Variants in IRAK1BP1 observed in about 807,000 individuals in gnomAD.
The protein encoded by IRAK1BP1 is interleukin-1 receptor-associated kinase 1-binding protein 1.
IRAK1BP1 carries 24 observed loss-of-function variants against 28.0 expected under a neutral mutation model. That is an observed-to-expected ratio of 0.86 (90% confidence interval 0.62 to 1.20). The LOEUF is 1.20. Among genes scored for constraint, IRAK1BP1 ranks in the 50% most tolerant of loss-of-function variants. The pLI is 0.00. For synonymous variants in IRAK1BP1, 131 were observed against 116.3 expected, an observed-to-expected ratio of 1.13 and a Z score of -0.81; for missense variants, 336 against 316.7, an observed-to-expected ratio of 1.06 and a Z score of -0.46.
intron 4 of IRAK1BP1, among the ~76,000 whole-genome samples, chr6:78,908,805 T>C (rs1256549725): frequency 6.6e-6 from 1 of 152,230 alleles, no homozygotes; most frequent in Non-Finnish European, 1.5e-5. Flanking sequence ...AGTAGTCTAA[T>C]AGGTAGAAGA....
At chr6:78,876,392 T>A (rs1395552673) in intron 1 of IRAK1BP1, among the ~76,000 whole-genome samples, 1 of 152,210 alleles carries the variant, frequency 6.6e-6, no homozygotes. Flanking sequence ...AATGGACTAA[T>A]ACACCCATAT....
In IRAK1BP1 at chr6:78,897,954, T is replaced by A; in HGVS notation, c.507T>A (p.Asn169Lys). Residue 169 changes from asparagine (N) to lysine (K), a missense_variant, in exon 3 of 4, where the codon AAT becomes AAA. Asn to Lys is a moderately conservative substitution (Grantham distance 94). Transcript: ENST00000369940. ...ATCATACTCCAGGTTCTGTTGAGAA[T>A]CTTCGGTAAGTTTAAGCACATCTTT... ...QFYHTPGSVENLRRQACLVAV... is the reference protein window; with the variant it reads ...QFYHTPGSVEKLRRQACLVAV... 6.2e-7 allele frequency: 1 copy of A among 1,613,952 alleles called. No individual in the cohort carries two copies. The highest frequency in any genetic ancestry group is 1.3e-5 in the African/African-American group (1 of 75,060).
At chr6:78,967,132 G>C in the IRAK1BP1 span, among the ~76,000 whole-genome samples, 1 of 152,070 alleles carries the variant, frequency 6.6e-6, no homozygotes, top group Admixed American at 6.6e-5. Flanking sequence ...GGATTTAAAA[G>C]TTTATAAAAA....
the IRAK1BP1 span, among the ~76,000 whole-genome samples, chr6:78,952,770 C>T: frequency 6.6e-6 from 1 of 152,064 alleles, no homozygotes; most frequent in Non-Finnish European, 1.5e-5. Context: ...CTTTTCCTCT[C>T]AAATAACATA....
At chr6:78,977,760 T>C in the IRAK1BP1 span, among the ~76,000 whole-genome samples, 214 of 152,298 alleles carry the variant, frequency 1.4e-3, no homozygotes, top group African/African-American at 4.9e-3. Flanking sequence ...AACAATGTGG[T>C]AATGTTCTGT....
intron 1 of IRAK1BP1, among the ~76,000 whole-genome samples, chr6:78,873,265 A>AG (rs1221537266): frequency 6.7e-6 from 1 of 150,328 alleles, no homozygotes; most frequent in Non-Finnish European, 1.5e-5. Flanking sequence ...AAAAAAAAAA[A>AG]AAAAAAAAAA....
At position 78,913,668 on chromosome 6, in the gene IRAK1BP1, G is replaced by A. The variant is rs571584457; in HGVS notation, c.*67+10558G>A. 2.4e-4 allele frequency among the ~76,000 whole-genome samples: 37 copies of A among 152,224 alleles called. 1 individual carries two copies. The South Asian group carries it at 7.7e-3, about 32-fold the overall frequency. On this transcript the variant is annotated intron_variant and NMD_transcript_variant, in intron 4 of 4. Transcript: ENST00000606868. ...TCAAAAAAAAAGTCATTGCTGAGAAGATGACTGCATCTTTAAAATACAGTT... is the reference window on the plus strand; with the variant it reads ...TCAAAAAAAAAGTCATTGCTGAGAAAATGACTGCATCTTTAAAATACAGTT...
the IRAK1BP1 span, chr6:78,955,851 C>A: frequency 2.5e-6 from 1 of 393,054 alleles, no homozygotes; most frequent in Non-Finnish European, 4.6e-6. Flanking sequence ...ACCCTGACCC[C>A]TCCACTCTAT....
chr6:78,973,411 C>A, the IRAK1BP1 span, among the ~76,000 whole-genome samples: 2 of 149,042 alleles, frequency 1.3e-5, no homozygotes, highest in South Asian at 4.4e-4. Context: ...CGGTACCAGC[C>A]GCTGCAAAAT....
At chr6:78,896,331 G>GAAAAAAAAAAAAAAA (rs35774009) in intron 2 of IRAK1BP1, among the ~76,000 whole-genome samples, 1 of 93,040 alleles carries the variant, frequency 1.1e-5, no homozygotes, top group Non-Finnish European at 2.4e-5. Flanking sequence ...AACCTAAATG[G>GAAAAAAAAAAAAAAA]AAAAAAAAAA....
chr6:78,881,505 C>G (rs1220551107), intron 1 of IRAK1BP1, among the ~76,000 whole-genome samples: 2 of 152,042 alleles, frequency 1.3e-5, no homozygotes, highest in South Asian at 2.1e-4. Flanking sequence ...AATAGTGAAG[C>G]TTGATGTATG....
the IRAK1BP1 span, among the ~76,000 whole-genome samples, chr6:78,964,599 T>C: frequency 3.3e-5 from 5 of 152,236 alleles, no homozygotes; most frequent in Admixed American, 2.6e-4. Flanking sequence ...TTCAAGTAAT[T>C]TTCCTGCCTC....
At chr6:78,972,732 C>T in the IRAK1BP1 span, among the ~76,000 whole-genome samples, 23 of 152,014 alleles carry the variant, frequency 1.5e-4, no homozygotes, top group Non-Finnish European at 2.5e-4. Flanking sequence ...GTGAAGAATG[C>T]AGAAGCCTCA....
chr6:78,891,891 T>C (rs1485699082), intron 2 of IRAK1BP1, among the ~76,000 whole-genome samples: 1 of 152,248 alleles, frequency 6.6e-6, no homozygotes, highest in East Asian at 1.9e-4. Flanking sequence ...GCATGCCTGC[T>C]ATGTGTTAAG....
intron 4 of IRAK1BP1, among the ~76,000 whole-genome samples, chr6:78,921,238 T>C (rs1772716413): frequency 6.6e-6 from 1 of 152,164 alleles, no homozygotes; most frequent in Non-Finnish European, 1.5e-5. Context: ...ATACTGCACT[T>C]TTCCAACGAT....
chr6:78,955,198 T>G, the IRAK1BP1 span: 1 of 1,451,552 alleles, frequency 6.9e-7, no homozygotes, highest in Non-Finnish European at 9.6e-7. Context: ...TTAATTCATA[T>G]AAAGTACTTC....
At chr6:78,976,180 T>G in the IRAK1BP1 span, among the ~76,000 whole-genome samples, 1 of 149,452 alleles carries the variant, frequency 6.7e-6, no homozygotes, top group African/African-American at 2.4e-5. Context: ...AACAGAGATA[T>G]AGATCAATGG....
chr6:78,875,932 A>T (rs1254642495), intron 1 of IRAK1BP1, among the ~76,000 whole-genome samples: 4 of 152,158 alleles, frequency 2.6e-5, no homozygotes, highest in East Asian at 1.9e-4. Context: ...AGACTGTTTA[A>T]AGTTTTATGG....
At chr6:78,896,013 A>G (rs1440630710) in intron 2 of IRAK1BP1, among the ~76,000 whole-genome samples, 3 of 152,214 alleles carry the variant, frequency 2.0e-5, no homozygotes, top group Non-Finnish European at 2.9e-5. Flanking sequence ...TTTAAAATAC[A>G]TAGGGATAAA....
Sources: allele counts gnomAD v4.1 joint callset (sites outside exome capture counted in the v4.1 genomes callset), GRCh38; gene constraint gnomAD v4.1.1; transcripts MANE v1.5; gene names NCBI Gene and HGNC (gene_info 2026-07-23, HGNC 2026-07-21).